Variants in ANK2 observed in about 807,000 individuals in gnomAD.
ANK2 encodes ankyrin-2.
Under a neutral mutation model 360.5 loss-of-function variants are expected in ANK2, and 83 were observed. The ratio of observed to expected loss-of-function variants is 0.23; its 90% CI spans 0.19 to 0.28. The LOEUF is 0.28. ANK2 is among the 10% of genes least tolerant of loss of function. The probability of loss-of-function intolerance (pLI) is 1.00; values close to 1 mark genes in which losing one functional copy is unlikely to be tolerated. For missense variants in ANK2, 4,201 were observed against 4,795.7 expected (o/e 0.88, Z 3.66); for synonymous variants, 1,740 against 1,759.5 (o/e 0.99, Z 0.28).
At chr4:113,225,066 C>T (rs1483119567) in intron 4 of ANK2, among the ~76,000 whole-genome samples, 2 of 152,048 alleles carry the variant, frequency 1.3e-5, no homozygotes, top group South Asian at 4.2e-4. Context: ...ACTTCCCCTA[C>T]AAACACCACA....
intron 1 of ANK2, among the ~76,000 whole-genome samples, chr4:112,871,673 C>G (rs1212860557): frequency 6.6e-6 from 1 of 152,182 alleles, no homozygotes; most frequent in Non-Finnish European, 1.5e-5. Context: ...AGCAGACCTT[C>G]TTTTCTCTTT....
At chr4:112,812,179 G>A in the ANK2 span, among the ~76,000 whole-genome samples, 9 of 141,448 alleles carry the variant, frequency 6.4e-5, no homozygotes, top group African/African-American at 2.5e-4. Context: ...TTCGTGTAAG[G>A]AATTGGTATA....
chr4:112,796,104 T>G, the ANK2 span, among the ~76,000 whole-genome samples: 1 of 152,156 alleles, frequency 6.6e-6, no homozygotes. Flanking sequence ...CTGGCTGAGA[T>G]GAATTTTTAA....
intron 2 of ANK2, among the ~76,000 whole-genome samples, chr4:112,943,842 T>C (rs1364960807): frequency 2.6e-5 from 4 of 152,118 alleles, no homozygotes; most frequent in African/African-American, 4.8e-5. Context: ...TTTGAGAGAA[T>C]ATAATTTAGT....
rs926079027 is a variant in ANK2, at chr4:113,163,531, G to A, written c.85-10885G>A. ...TGTAATCACAGCACTTTGGGAGGCCGAGGCGGGTGGATCATCTGAGGTCAG... is the reference window on the plus strand; with the variant it reads ...TGTAATCACAGCACTTTGGGAGGCCAAGGCGGGTGGATCATCTGAGGTCAG... On this transcript the variant is annotated intron_variant, in intron 1 of 45. Coordinates refer to ENST00000357077, the MANE Select transcript of ANK2 (RefSeq NM_001148.6). Among the ~76,000 whole-genome samples the A allele has an allele frequency of 4.0e-5, 6 of 151,272 alleles. No individual in the cohort carries two copies. The East Asian group carries it at 5.9e-4, about 15-fold the overall frequency.
intron 1 of ANK2, among the ~76,000 whole-genome samples, chr4:113,069,230 A>C (rs1400091949): frequency 6.6e-6 from 1 of 152,204 alleles, no homozygotes; most frequent in East Asian, 1.9e-4. Context: ...GCACAAGGTC[A>C]GAGAGAAATG....
intron 2 of ANK2, among the ~76,000 whole-genome samples, chr4:112,949,423 G>A (rs1265742816): frequency 6.6e-6 from 1 of 152,106 alleles, no homozygotes; most frequent in Non-Finnish European, 1.5e-5. Flanking sequence ...TCTTTTAATT[G>A]CTGTGGAGAT....
the ANK2 span, among the ~76,000 whole-genome samples, chr4:112,746,273 G>T: frequency 1.3e-5 from 2 of 152,088 alleles, no homozygotes; most frequent in East Asian, 3.9e-4. Context: ...CACTATATAT[G>T]TTTAATTTCT....
intron 2 of ANK2, among the ~76,000 whole-genome samples, chr4:113,187,142 A>G (rs1161215295): frequency 6.6e-6 from 1 of 152,056 alleles, no homozygotes; most frequent in African/African-American, 2.4e-5. Context: ...GACAGTTTGA[A>G]ATAAATCTCT....
chr4:112,945,009 G>A (rs2094460832), intron 2 of ANK2, among the ~76,000 whole-genome samples: 1 of 152,128 alleles, frequency 6.6e-6, no homozygotes, highest in African/African-American at 2.4e-5. Context: ...AGTTAGAATG[G>A]GCTACGTTGT....
At chr4:112,751,461 G>A in the ANK2 span, among the ~76,000 whole-genome samples, 9 of 152,162 alleles carry the variant, frequency 5.9e-5, no homozygotes, top group East Asian at 1.9e-4. Flanking sequence ...GGCACTGCCC[G>A]TTTGGTGATT....
At chr4:113,369,866 C>A in intron 43 of ANK2, 61 bp downstream of exon 43, 1 of 1,607,684 alleles carries the variant, frequency 6.2e-7, no homozygotes, top group Non-Finnish European at 8.5e-7. Context: ...CTTCCAGTTT[C>A]CATTTCTATG....
At chr4:113,342,886 G>C in intron 33 of ANK2, 131 bp from the exon 34 acceptor site, 1 of 1,157,526 alleles carries the variant, frequency 8.6e-7, no homozygotes, top group Non-Finnish European at 1.3e-6. Context: ...CAGAATGTCA[G>C]TTGTCAATTT....
rs1489859220 is a variant in ANK2, at chr4:113,383,170, T to C, written c.*1699T>C. On this transcript the variant is annotated 3_prime_UTR_variant, in exon 46 of 46. Transcript: ENST00000357077. ...TTCCAATTATCTGGTCTTTTCCTGT[T>C]GTGCAAAAATGACTCATTGCTCCGA... 6.6e-6 allele frequency: 1 copy of C among 152,638 alleles called. No individual in the cohort carries two copies. The highest frequency in any genetic ancestry group is 2.4e-5 in the African/African-American group (1 of 41,444). The allele number at this position is 152,638 out of a possible 1,614,324, so 9.5% of individuals were successfully genotyped here. A position where few individuals can be genotyped will look rare whatever the true frequency, so the allele number is the denominator to read the frequency against.
intron 2 of ANK2, among the ~76,000 whole-genome samples, chr4:112,916,343 A>T (rs1386218981): frequency 2.0e-5 from 3 of 152,228 alleles, no homozygotes; most frequent in Non-Finnish European, 4.4e-5. Context: ...TTAATAACTG[A>T]GCAGGACTAT....
intron 1 of ANK2, among the ~76,000 whole-genome samples, chr4:113,158,186 A>G (rs1296254361): frequency 6.6e-6 from 1 of 152,218 alleles, no homozygotes. Context: ...AAAAAATTCA[A>G]ACATTTCAGT....
chr4:113,279,704 ATTAT>A (rs1468909915), intron 17 of ANK2, among the ~76,000 whole-genome samples: 1 of 148,368 alleles, frequency 6.7e-6, no homozygotes, highest in Non-Finnish European at 1.5e-5. Context: ...ATATAAATAT[ATTAT>A]ATATATCATA....
chr4:112,762,985 G>T, the ANK2 span, among the ~76,000 whole-genome samples: 4 of 152,214 alleles, frequency 2.6e-5, no homozygotes, highest in African/African-American at 9.7e-5. Context: ...TAAATTCAAC[G>T]TTTCACTGGG....
chr4:112,788,265 C>T, the ANK2 span: 1 of 1,585,846 alleles, frequency 6.3e-7, no homozygotes, highest in Non-Finnish European at 8.6e-7. Context: ...TCCGAGTTCA[C>T]CTGTGTGAAG....
Sources: gnomAD v4.1 joint callset for allele counts (sites outside exome capture counted in the v4.1 genomes callset) on GRCh38, gnomAD v4.1.1 for gene constraint, MANE v1.5 for transcripts, NCBI Gene and HGNC (gene_info 2026-07-23, HGNC 2026-07-21) for gene names.